The following PLXDC2 variants were observed in gnomAD, a reference collection of about 807,000 sequenced individuals.
The protein encoded by PLXDC2 is plexin domain-containing protein 2.
A neutral mutation model predicts 68.9 loss-of-function variants in PLXDC2; 40 were observed. That is an observed-to-expected ratio of 0.58 (90% confidence interval 0.45 to 0.76). The LOEUF (loss-of-function observed/expected upper bound fraction) is 0.76. Ranked by LOEUF, PLXDC2 falls within the 30% of genes least tolerant of loss-of-function variation. The pLI is 0.00. For synonymous variants in PLXDC2, 243 were observed against 234.2 expected (o/e 1.04, Z -0.34); for missense variants, 644 against 661.9 (o/e 0.97, Z 0.30).
At chr10:20,191,618 G>A (rs1834765876) in intron 9 of PLXDC2, among the ~76,000 whole-genome samples, 1 of 150,830 alleles carries the variant, frequency 6.6e-6, no homozygotes, top group Non-Finnish European at 1.5e-5. Flanking sequence ...CCTGGTGTGT[G>A]TTGTTCCCCT....
intron 6 of PLXDC2, among the ~76,000 whole-genome samples, chr10:20,161,006 T>C (rs570016439): frequency 6.6e-6 from 1 of 152,238 alleles, no homozygotes; most frequent in East Asian, 1.9e-4. Context: ...TAGATACTTA[T>C]CTGATTCCCA....
At chr10:20,176,410 G>GTGTGTA (rs1228229808) in intron 7 of PLXDC2, among the ~76,000 whole-genome samples, 1 of 151,922 alleles carries the variant, frequency 6.6e-6, no homozygotes, top group Non-Finnish European at 1.5e-5. Context: ...GTGTGTGTGT[G>GTGTGTA]TGTGTCTGTC....
rs1218077048 is a variant in PLXDC2, at chr10:20,280,083, G to T, written c.*264G>T. On this transcript the variant is annotated 3_prime_UTR_variant, in exon 14 of 14. Transcript: ENST00000377252. Reference sequence around the variant, plus strand: ...ATAGTTCACTCGGAACATCTCCCGTGGACTTATCTGAAGTATGACAAGATT... The same window carrying T: ...ATAGTTCACTCGGAACATCTCCCGTTGACTTATCTGAAGTATGACAAGATT... 2.8e-6 allele frequency: 1 copy of T among 358,836 alleles called. No individual in the cohort carries two copies. Among genetic ancestry groups the T allele is most frequent in the Non-Finnish European group, 5.0e-6 (1 of 198,922 alleles). The allele number at this position is 358,836 out of a possible 1,614,324, so 22.2% of individuals were successfully genotyped here.
chr10:19,957,270 C>G (rs925069846), intron 1 of PLXDC2, among the ~76,000 whole-genome samples: 2 of 152,044 alleles, frequency 1.3e-5, no homozygotes, highest in African/African-American at 4.8e-5. Context: ...GGATATTGCT[C>G]TCTTTGTAGT....
chr10:19,822,658 T>C (rs550134109), intron 1 of PLXDC2, among the ~76,000 whole-genome samples: 3 of 152,320 alleles, frequency 2.0e-5, no homozygotes, highest in African/African-American at 7.2e-5. Context: ...TTTTTGACAA[T>C]AGCCATCTTA....
At chr10:20,008,657 G>A (rs148211233) in intron 2 of PLXDC2, among the ~76,000 whole-genome samples, 28 of 152,268 alleles carry the variant, frequency 1.8e-4, no homozygotes, top group East Asian at 5.8e-4. Context: ...TTATGTTTGC[G>A]GTATAGAGAT....
At chr10:20,026,445 G>GCCC (rs1564661075) in intron 2 of PLXDC2, among the ~76,000 whole-genome samples, 2 of 152,076 alleles carry the variant, frequency 1.3e-5, no homozygotes, top group African/African-American at 4.8e-5. Context: ...TTAATCATGT[G>GCCC]ATTTATCTCC....
In PLXDC2 at chr10:20,287,725, C is replaced by CA. The variant is rs1361189000; in HGVS notation, c.*7907dup. ...TGGCGTAACCCAGTCTTGGGGCCCT[C>CA]ACGGAGAAGAGGGGGAAGTCTTTTC... On this transcript the variant is annotated 3_prime_UTR_variant, in exon 14 of 14. Transcript: ENST00000377252. 6.6e-6 allele frequency: 1 copy of CA among 152,158 alleles called. No homozygotes were observed. Among genetic ancestry groups the CA allele is most frequent in the East Asian group, 1.9e-4 (1 of 5,170 alleles). 9.4% of individuals were successfully genotyped at this position (152,158 alleles called of 1,614,324 possible).
rs1386705680 is a variant in PLXDC2, at chr10:20,046,902, A to G, written c.358A>G (p.Ile120Val). The stretch of plus-strand genomic sequence containing the variant: ...AGACCACAATTACTATATATCTCGA[A>G]TATATGGTCCATCTGATTCTGCCAG... ...DTDHNYYISR[I>V]YGPSDSASRD... Residue 120 changes from isoleucine (I) to valine (V), a missense_variant, in exon 3 of 14, where the codon ATA (isoleucine) becomes GTA (valine). Physicochemically the swap from Ile to Val is conservative, Grantham distance 29. This residue lies in a region of PLXDC2 where 201 missense variants were observed against 166.9 expected (regional missense o/e 1.20). Transcript: ENST00000377252. 1 of 1,612,384 alleles carries G rather than the reference A, an allele frequency of 6.2e-7. No individual in the cohort carries two copies. The highest frequency in any genetic ancestry group is 8.5e-7 in the Non-Finnish European group (1 of 1,179,114).
intron 4 of PLXDC2, among the ~76,000 whole-genome samples, chr10:20,072,267 G>A (rs1836330560): frequency 6.6e-6 from 1 of 151,830 alleles, no homozygotes. Flanking sequence ...CTACTCAGGA[G>A]GCGGCGACAG....
In PLXDC2 at chr10:20,189,616, A is replaced by G. The variant is rs994907816; in HGVS notation, c.1061+12207A>G. Among the ~76,000 whole-genome samples the G allele has an allele frequency of 1.3e-3, 192 of 149,570 alleles. 2 individuals are homozygous for G. Among genetic ancestry groups the G allele is most frequent in the African/African-American group, 3.7e-3 (151 of 41,044 alleles). ...TAGGGCAATTTGGGCACTCAGAAAA[A>G]TTCAAAACTTTTCAGAAGCAGAAAA... On this transcript the variant is annotated intron_variant, in intron 9 of 13. Coordinates refer to ENST00000377252, the MANE Select transcript of PLXDC2 (RefSeq NM_032812.9).
chr10:19,897,446 C>T (rs896409142), intron 1 of PLXDC2, among the ~76,000 whole-genome samples: 47 of 151,764 alleles, frequency 3.1e-4, no homozygotes, highest in Admixed American at 2.2e-3. Flanking sequence ...GGTTTCTCCA[C>T]GTTAGTCAGG....
At chr10:19,839,186 CAAAAAAA>C (rs3043806) in intron 1 of PLXDC2, among the ~76,000 whole-genome samples, 6 of 100,992 alleles carry the variant, frequency 5.9e-5, no homozygotes, top group Middle Eastern at 0.013. Flanking sequence ...AACTCAGTCT[CAAAAAAA>C]AAAAAAAAAA....
At chr10:19,974,694 G>GTT (rs1834418484) in intron 1 of PLXDC2, among the ~76,000 whole-genome samples, 1 of 152,188 alleles carries the variant, frequency 6.6e-6, no homozygotes, top group African/African-American at 2.4e-5. Flanking sequence ...TATAAACGCT[G>GTT]TAAGGGCAGG....
chr10:20,069,188 A>G (rs1480995461), intron 4 of PLXDC2, among the ~76,000 whole-genome samples: 1 of 152,208 alleles, frequency 6.6e-6, no homozygotes, highest in Non-Finnish European at 1.5e-5. Context: ...TATAAGACCT[A>G]GAAGATATTT....
chr10:20,249,243 C>T (rs77086628), intron 13 of PLXDC2, among the ~76,000 whole-genome samples: 1 of 152,278 alleles, frequency 6.6e-6, no homozygotes, highest in Non-Finnish European at 1.5e-5. Context: ...AGTGGTAACT[C>T]GGAATGCACT....
chr10:19,869,152 T>C (rs937417425), intron 1 of PLXDC2, among the ~76,000 whole-genome samples: 1 of 152,078 alleles, frequency 6.6e-6, no homozygotes, highest in African/African-American at 2.4e-5. Flanking sequence ...ATCCCAGCAC[T>C]TTGGGAGGCC....
intron 1 of PLXDC2, among the ~76,000 whole-genome samples, chr10:19,961,279 A>G (rs1311683644): frequency 6.6e-6 from 1 of 152,234 alleles, no homozygotes; most frequent in Non-Finnish European, 1.5e-5. Context: ...GCATATATCA[A>G]CATGCATCAT....
intron 4 of PLXDC2, among the ~76,000 whole-genome samples, chr10:20,102,813 G>A (rs1749832872): frequency 6.6e-6 from 1 of 152,138 alleles, no homozygotes; most frequent in Non-Finnish European, 1.5e-5. Flanking sequence ...GGCGGCTGGA[G>A]GTATAATTTT....
Sources: gnomAD v4.1 joint callset for allele counts (sites outside exome capture counted in the v4.1 genomes callset) on GRCh38, gnomAD v4.1.1 for gene constraint, gnomAD v4.1.1 regional missense constraint, MANE v1.5 for transcripts, NCBI Gene and HGNC (gene_info 2026-07-23, HGNC 2026-07-21) for gene names.